Variants in DLK2 observed in about 807,000 individuals in gnomAD.
The protein encoded by DLK2 is protein delta homolog 2.
DLK2 carries 9 observed loss-of-function variants against 31.3 expected under a neutral mutation model. That is an observed-to-expected ratio of 0.29 (90% CI 0.17 to 0.50). DLK2 has a LOEUF of 0.50. DLK2 is among the 20% of genes least tolerant of loss of function. DLK2 has a pLI of 0.98. For missense variants in DLK2, 387 were observed against 526.1 expected (o/e 0.74, Z 2.59); for synonymous variants, 169 against 201.2 (o/e 0.84, Z 1.35).
rs964947605 is a variant in DLK2 at position 43,451,706 on chromosome 6, G to A, written c.416+234C>T. ...CCCTCCCCAACCAGAACAGTCACACGTTTGTTACCCCTCTAGCTCCTATAG... is the reference window on the plus strand; with the variant it reads ...CCCTCCCCAACCAGAACAGTCACACATTTGTTACCCCTCTAGCTCCTATAG... On this transcript the variant is annotated intron_variant, in intron 5 of 5. Transcript: ENST00000372488. This position sits in a 1 kb window ranked among gnomAD's most constrained non-coding sequence, Gnocchi z 4.4. Among the ~76,000 whole-genome samples, 4 of 144,420 alleles carry A rather than the reference G, an allele frequency of 2.8e-5. No homozygotes were observed. The highest frequency in any genetic ancestry group is 5.0e-5 in the African/African-American group (2 of 39,996). The allele number at this position is 144,420 out of a possible 152,430, so 94.7% of individuals were successfully genotyped here.
Position 43,454,844 on chromosome 6 carries a change from G to T in DLK2, c.-19C>A. On this transcript the variant is annotated 5_prime_UTR_variant, in exon 2 of 6. Transcript: ENST00000372488. ...TGGGCATGGTCAGCGCCGGCCCCAG[G>T]AGGGACGGACGGATGGACGGCCGGA... 1 of 1,541,108 alleles carries T rather than the reference G, an allele frequency of 6.5e-7. No individual in the cohort carries two copies.
Position 43,450,815 on chromosome 6 carries a change from C to CT in DLK2, c.875dup (p.Glu293GlyfsTer12), listed in dbSNP as rs1196231289. On this transcript the variant is annotated frameshift_variant, in exon 6 of 6. Coordinates refer to ENST00000372488, the MANE Select transcript of DLK2 (RefSeq NM_023932.4). LOFTEE classifies it high-confidence loss of function. The surrounding 1 kb of genome is among the most constrained non-coding windows in gnomAD (Gnocchi z 4.5). ...CAGCCTCTTGCCTCCGCACCACCTC[C>CT]TTCACTGAGATCCGCAGCAGACCAG... The CT allele has an allele frequency of 6.2e-7, 1 of 1,614,226 alleles. No homozygotes were observed. Among genetic ancestry groups the CT allele is most frequent in the Non-Finnish European group, 8.5e-7 (1 of 1,180,012 alleles).
Position 43,451,345 on chromosome 6 carries a change from C to G in DLK2, c.417-71G>C. 2.0e-6 allele frequency: 3 copies of G among 1,529,018 alleles called. No individual in the cohort carries two copies. The highest frequency in any genetic ancestry group is 2.6e-6 in the Non-Finnish European group (3 of 1,135,626). The allele number at this position is 1,529,018 out of a possible 1,614,324, so 94.7% of individuals were successfully genotyped here. Reference sequence around the variant, plus strand: ...CTGTAGGGCAGCCCAGGTCAGTATCCTGACCACTGCCCGCCATGTCATCTT... The same window carrying G: ...CTGTAGGGCAGCCCAGGTCAGTATCGTGACCACTGCCCGCCATGTCATCTT... On this transcript the variant is annotated intron_variant, in intron 5 of 5. Coordinates refer to ENST00000372488, the MANE Select transcript of DLK2 (RefSeq NM_023932.4). This position sits in a 1 kb window ranked among gnomAD's most constrained non-coding sequence, Gnocchi z 4.4.
rs765769481 is a variant in DLK2 at position 43,453,148 on chromosome 6, A to C, written c.141-13T>G. The C allele has an allele frequency of 6.3e-7, 1 of 1,592,068 alleles. No individual in the cohort carries two copies. The highest frequency in any genetic ancestry group is 1.7e-5 in the Admixed American group (1 of 57,370). On this transcript the variant is annotated splice_polypyrimidine_tract_variant and intron_variant, in intron 3 of 5. Transcript: ENST00000372488. This position sits in a 1 kb window ranked among gnomAD's most constrained non-coding sequence, Gnocchi z 4.1. ...GCCCGGGTCACACCTGACGGGGAGAAGCACAGGGTCAGGGCTCTGGGTCAT... is the reference window on the plus strand; with the variant it reads ...GCCCGGGTCACACCTGACGGGGAGACGCACAGGGTCAGGGCTCTGGGTCAT...
chr6:43,453,568 G>C lies in DLK2; in HGVS notation c.141-433C>G, dbSNP rs1439612696. ...AGCACTTTGGGAGGTCGAGGCAGGT[G>C]GATCACTTGAGGTCAGGAGTTCAAG... On this transcript the variant is annotated intron_variant, in intron 3 of 5. Coordinates refer to ENST00000372488, the MANE Select transcript of DLK2 (RefSeq NM_023932.4). This position sits in a 1 kb window ranked among gnomAD's most constrained non-coding sequence, Gnocchi z 4.1. Among the ~76,000 whole-genome samples, 1 of 152,166 alleles carries C rather than the reference G, an allele frequency of 6.6e-6. No individual in the cohort carries two copies. The highest frequency in any genetic ancestry group is 1.5e-5 in the Non-Finnish European group (1 of 68,026).
At chr6:43,454,514 G>T in intron 2 of DLK2, 40 bp from the exon 3 acceptor site, 2 of 1,558,266 alleles carry the variant, frequency 1.3e-6, no homozygotes, top group Non-Finnish European at 1.7e-6. Context: ...TCTGAGTCAG[G>T]GCACAGCTCG....
In DLK2 at chr6:43,452,120, C is replaced by T. The variant is rs201377693; in HGVS notation, c.272-36G>A. ...GACAGGAAAGGCTCTGGGATAACCC[C>T]TCCCATCTGGTCCCCAGACCAGACT... On this transcript the variant is annotated intron_variant, in intron 4 of 5. Coordinates refer to ENST00000372488, the MANE Select transcript of DLK2 (RefSeq NM_023932.4). 51 of 1,612,534 alleles carry T rather than the reference C, an allele frequency of 3.2e-5. No individual in the cohort carries two copies. The African/African-American group carries it at 6.1e-4, about 19-fold the overall frequency.
Position 43,452,093 on chromosome 6 carries a change from G to A in DLK2, c.272-9C>T. 6.2e-7 allele frequency: 1 copy of A among 1,614,182 alleles called. No homozygotes were observed. Among genetic ancestry groups the A allele is most frequent in the South Asian group, 1.1e-5 (1 of 91,082 alleles). ...GGTACAGATATGTTCATCTGGAGAG[G>A]GGACAGGAAAGGCTCTGGGATAACC... On this transcript the variant is annotated splice_polypyrimidine_tract_variant and intron_variant, in intron 4 of 5. Coordinates refer to ENST00000372488, the MANE Select transcript of DLK2 (RefSeq NM_023932.4).
rs984943343 is a variant in DLK2, at chr6:43,451,319, C to T, written c.417-45G>A. 2.5e-6 allele frequency: 4 copies of T among 1,587,160 alleles called. No individual in the cohort carries two copies. The highest frequency in any genetic ancestry group is 2.6e-6 in the Non-Finnish European group (3 of 1,166,138). ...GGACATGATAACCAACTTACCAACA[C>T]CTGTAGGGCAGCCCAGGTCAGTATC... On this transcript the variant is annotated intron_variant, in intron 5 of 5. Transcript: ENST00000372488. The surrounding 1 kb of genome is among the most constrained non-coding windows in gnomAD (Gnocchi z 4.4).
Position 43,451,166 on chromosome 6 carries a change from C to G in DLK2, c.525G>C (p.Val175=), listed in dbSNP as rs1224126022. The change falls in exon 6 of 6, where the codon GTG becomes GTC. Residue 175 remains valine (V), a synonymous_variant. Coordinates refer to ENST00000372488, the MANE Select transcript of DLK2 (RefSeq NM_023932.4). The surrounding 1 kb of genome is among the most constrained non-coding windows in gnomAD (Gnocchi z 4.4). ...CACAAGGCCGCATCAGGCAGTCATC[C>G]ACATTTACCTCACAGCGGGCACCCA... ...GFVGARCEVN[V]DDCLMRPCAN... is the part of the protein sequence containing the mutation. 1 of 1,614,090 alleles carries G rather than the reference C, an allele frequency of 6.2e-7. No individual in the cohort carries two copies. The highest frequency in any genetic ancestry group is 8.5e-7 in the Non-Finnish European group (1 of 1,180,042).
In DLK2 at chr6:43,453,264, G is replaced by A; in HGVS notation, c.141-129C>T. The A allele has an allele frequency of 8.0e-7, 1 of 1,252,226 alleles. No individual in the cohort carries two copies. Among genetic ancestry groups the A allele is most frequent in the Non-Finnish European group, 1.1e-6 (1 of 933,124 alleles). The allele number at this position is 1,252,226 out of a possible 1,614,324, so 77.6% of individuals were successfully genotyped here. ...CTAAGGGAAAGCAGACCTGTCCCAG[G>A]TAGGTGTAGGACTGTGCAGGGTCAT... On this transcript the variant is annotated intron_variant, in intron 3 of 5. Transcript: ENST00000372488. The surrounding 1 kb of genome is among the most constrained non-coding windows in gnomAD (Gnocchi z 4.1).
chr6:43,452,660 C>T (rs548197667), intron 4 of DLK2, among the ~76,000 whole-genome samples: 4 of 152,082 alleles, frequency 2.6e-5, no homozygotes, highest in African/African-American at 4.8e-5. Flanking sequence ...TACAGTGAGC[C>T]GAGATCGCAC....
At chr6:43,454,012 C>T (rs1783878890) in intron 3 of DLK2, among the ~76,000 whole-genome samples, 1 of 152,218 alleles carries the variant, frequency 6.6e-6, no homozygotes, top group South Asian at 2.1e-4. Context: ...ACTACTCAAA[C>T]TCATCAAGAA....
chr6:43,454,242 T>C (rs1018659480), intron 3 of DLK2, among the ~76,000 whole-genome samples, 169 bp downstream of exon 3: 1 of 151,998 alleles, frequency 6.6e-6, no homozygotes, highest in Admixed American at 6.6e-5. Flanking sequence ...AGATAAAAAC[T>C]AGAAGAAGCA....
rs149484687 is a variant in DLK2 at position 43,451,096 on chromosome 6, G to C, written c.595C>G (p.Leu199Val). 205 of 1,614,244 alleles carry C rather than the reference G, an allele frequency of 1.3e-4. No individual in the cohort carries two copies. Among genetic ancestry groups the C allele is most frequent in the South Asian group, 5.1e-4 (46 of 91,086 alleles). The change falls in exon 6 of 6, where the codon CTC (leucine) becomes GTC (valine). Residue 199 changes from leucine to valine, a missense_variant. Transcript: ENST00000372488. This position sits in a 1 kb window ranked among gnomAD's most constrained non-coding sequence, Gnocchi z 4.4. The part of the protein sequence containing the change: ...CLDGINRFSC[L>V]CPEGFAGRFC... The stretch of plus-strand genomic sequence containing the variant: ...CGTCCAGCAAAGCCCTCAGGACAGA[G>C]GCAGGAGAAGCGGTTTATGCCGTCA...
upstream of DLK2, chr6:43,455,649 C>CG (rs1436057391): frequency 6.9e-6 from 1 of 145,334 alleles, no homozygotes; most frequent in Non-Finnish European, 1.5e-5. Context: ...TCCCCCCCCC[C>CG]GCGACGCACG....
chr6:43,451,795 CTT>C lies in DLK2; in HGVS notation c.416+143_416+144del. 3 of 1,419,052 alleles carry C rather than the reference CTT, an allele frequency of 2.1e-6. No homozygotes were observed. The South Asian group carries it at 4.7e-5, about 22-fold the overall frequency. 87.9% of individuals were successfully genotyped at this position (1,419,052 alleles called of 1,614,324 possible). On this transcript the variant is annotated intron_variant, in intron 5 of 5. Coordinates refer to ENST00000372488, the MANE Select transcript of DLK2 (RefSeq NM_023932.4). The surrounding 1 kb of genome is among the most constrained non-coding windows in gnomAD (Gnocchi z 4.4). Reference sequence around the variant, plus strand: ...GTTGAGAAACCCTGAACTAGGAACACTTTGGCATGCAGGGGTTTTATCTGAGT... The same window carrying C: ...GTTGAGAAACCCTGAACTAGGAACACTGGCATGCAGGGGTTTTATCTGAGT...
At chr6:43,452,553 T>TA (rs1783810739) in intron 4 of DLK2, among the ~76,000 whole-genome samples, 1 of 152,102 alleles carries the variant, frequency 6.6e-6, no homozygotes, top group South Asian at 2.1e-4. Flanking sequence ...CTATCTCTAC[T>TA]AAAAATACAA....
Position 43,450,420 on chromosome 6 carries a change from TG to T in DLK2, c.*118del. The T allele has an allele frequency of 1.7e-6, 2 of 1,157,822 alleles. No homozygotes were observed. The highest frequency in any genetic ancestry group is 2.4e-6 in the Non-Finnish European group (2 of 844,252). The allele number at this position is 1,157,822 out of a possible 1,614,324, so 71.7% of individuals were successfully genotyped here. On this transcript the variant is annotated 3_prime_UTR_variant, in exon 6 of 6. Coordinates refer to ENST00000372488, the MANE Select transcript of DLK2 (RefSeq NM_023932.4). This position sits in a 1 kb window ranked among gnomAD's most constrained non-coding sequence, Gnocchi z 4.5. ...CTGTGTATTAAAAAAATAATATTTC[TG>T]GTGTGAGGCTGAGGTCTCCTCTGTG...
Sources: allele counts gnomAD v4.1 joint callset (sites outside exome capture counted in the v4.1 genomes callset), GRCh38; gene constraint gnomAD v4.1.1; non-coding constraint Gnocchi (gnomAD v3.1); transcripts MANE v1.5; gene names NCBI Gene and HGNC (gene_info 2026-07-23, HGNC 2026-07-21).